ADGRL3: variants seen among roughly 807,000 people sequenced by gnomAD.
ADGRL3 encodes the protein adhesion G protein-coupled receptor L3.
In ADGRL3, 62 loss-of-function variants were observed where a neutral mutation model predicts 153.5. That is an observed-to-expected ratio of 0.40 (90% CI 0.33 to 0.50). The LOEUF (loss-of-function observed/expected upper bound fraction) is 0.50. Among genes scored for constraint, ADGRL3 ranks in the 20% least tolerant of loss-of-function variants. The probability of loss-of-function intolerance (pLI) is 0.47; values close to 1 mark genes in which losing one functional copy is unlikely to be tolerated. For missense variants in ADGRL3, 1,641 were observed against 1,859.4 expected, an observed-to-expected ratio of 0.88 and a Z score of 2.16; for synonymous variants, 710 against 672.5, an observed-to-expected ratio of 1.06 and a Z score of -0.86.
intron 8 of ADGRL3, among the ~76,000 whole-genome samples, chr4:61,768,230 A>G (rs1178111205): frequency 6.6e-6 from 1 of 151,864 alleles, no homozygotes; most frequent in Non-Finnish European, 1.5e-5. Context: ...GGCTAGTCAC[A>G]GAAGGAAACT....
chr4:61,488,630 C>T (rs1236130956), intron 2 of ADGRL3, among the ~76,000 whole-genome samples: 1 of 152,006 alleles, frequency 6.6e-6, no homozygotes, highest in Non-Finnish European at 1.5e-5. Context: ...CGTGCCCATC[C>T]TATGTTTTTT....
At chr4:61,906,468 G>A (rs2098696208) in intron 11 of ADGRL3, 1 of 152,006 alleles carries the variant, frequency 6.6e-6, no homozygotes, top group South Asian at 2.1e-4. Context: ...GTTTTATATA[G>A]TCATAATCCA....
intron 1 of ADGRL3, among the ~76,000 whole-genome samples, chr4:61,222,161 C>T (rs1203969879): frequency 6.6e-6 from 1 of 152,022 alleles, no homozygotes; most frequent in Non-Finnish European, 1.5e-5. Flanking sequence ...TGTTAAGATA[C>T]TCTTGGGTAG....
chr4:61,821,098 T>C (rs1033592152), intron 9 of ADGRL3, among the ~76,000 whole-genome samples: 2 of 150,358 alleles, frequency 1.3e-5, no homozygotes, highest in African/African-American at 4.9e-5. Context: ...TACAGTTTGG[T>C]GACAGCCTTA....
In ADGRL3 at chr4:61,517,318, G is replaced by A. The variant is rs1183187117; in HGVS notation, c.59G>A (p.Gly20Asp). ...MMLLAPIIHG[G>D]KHSERHPALA... ...GTGCGCCCTGCGGTCCCCGCAGGTGGCAAGCACAGTGAACGACATCCTGCC... is the reference window on the plus strand; with the variant it reads ...GTGCGCCCTGCGGTCCCCGCAGGTGACAAGCACAGTGAACGACATCCTGCC... Residue 20 changes from glycine (G) to aspartate (D), a missense_variant, in exon 4 of 27, where the codon GGC (glycine) becomes GAC (aspartate). Coordinates refer to ENST00000683033, the MANE Select transcript of ADGRL3 (RefSeq NM_001387552.1). 2 of 702,732 alleles carry A rather than the reference G, an allele frequency of 2.8e-6. No homozygotes were observed. Among genetic ancestry groups the A allele is most frequent in the Non-Finnish European group, 5.2e-6 (2 of 385,282 alleles). The allele number at this position is 702,732 out of a possible 1,614,324, so 43.5% of individuals were successfully genotyped here.
rs140206656 is a variant in ADGRL3, at chr4:61,669,446, A to G, written c.474-7380A>G. 9.3e-3 allele frequency among the ~76,000 whole-genome samples: 1,423 copies of G among 152,276 alleles called. 10 individuals are homozygous for G. The highest frequency in any genetic ancestry group is 0.02 in the Middle Eastern group (6 of 294). On this transcript the variant is annotated intron_variant, in intron 5 of 26. Coordinates refer to ENST00000683033, the MANE Select transcript of ADGRL3 (RefSeq NM_001387552.1). ...ATACTACTGATATATGCATCTATTT[A>G]TGTTTTCTTCTATTGCTGCATTCCA...
chr4:61,473,524 G>C (rs1353174691), intron 2 of ADGRL3, among the ~76,000 whole-genome samples: 3 of 151,892 alleles, frequency 2.0e-5, no homozygotes, highest in Non-Finnish European at 2.9e-5. Context: ...ACATGTGTTT[G>C]GACAAGTTTC....
At chr4:61,313,890 C>T (rs2095106625) in intron 1 of ADGRL3, among the ~76,000 whole-genome samples, 1 of 152,096 alleles carries the variant, frequency 6.6e-6, no homozygotes, top group Non-Finnish European at 1.5e-5. Flanking sequence ...TCGCAGGGAG[C>T]ACTCACAACG....
intron 4 of ADGRL3, among the ~76,000 whole-genome samples, chr4:61,532,299 A>C (rs931549818): frequency 2.0e-5 from 3 of 152,074 alleles, no homozygotes; most frequent in Non-Finnish European, 2.9e-5. Flanking sequence ...GTGGGAAAAA[A>C]CTTTATCAGC....
At chr4:61,621,630 A>G (rs545813003) in intron 5 of ADGRL3, among the ~76,000 whole-genome samples, 7 of 152,126 alleles carry the variant, frequency 4.6e-5, no homozygotes, top group African/African-American at 1.7e-4. Context: ...ATCTTTGTAA[A>G]TAACTGTTCT....
chr4:61,610,138 GATAT>G (rs34171023), intron 5 of ADGRL3, among the ~76,000 whole-genome samples: 1 of 146,854 alleles, frequency 6.8e-6, no homozygotes, highest in Non-Finnish European at 1.5e-5. Context: ...AGGGAAGTGA[GATAT>G]ATATATATAT....
chr4:61,326,734 G>T (rs1485191374), intron 1 of ADGRL3, among the ~76,000 whole-genome samples: 1 of 151,582 alleles, frequency 6.6e-6, no homozygotes, highest in Non-Finnish European at 1.5e-5. Context: ...CTTTTGGGGA[G>T]CTATTGCTCA....
chr4:61,782,333 G>A (rs576622941), intron 8 of ADGRL3, among the ~76,000 whole-genome samples: 71 of 152,222 alleles, frequency 4.7e-4, no homozygotes, highest in African/African-American at 1.6e-3. Flanking sequence ...ATCATTGTTT[G>A]TATTACATGA....
chr4:61,570,854 T>C (rs973708980), intron 4 of ADGRL3, among the ~76,000 whole-genome samples: 25 of 152,180 alleles, frequency 1.6e-4, no homozygotes, highest in Admixed American at 1.6e-3. Flanking sequence ...TCTGTAGCTA[T>C]ATTACAAAGT....
rs186422018 is a variant in ADGRL3 at position 61,272,162 on chromosome 4, A to G, written c.-240+70397A>G. Among the ~76,000 whole-genome samples the G allele has an allele frequency of 6.2e-3, 947 of 152,158 alleles. 9 individuals are homozygous for G. Among genetic ancestry groups the G allele is most frequent in the Non-Finnish European group, 8.2e-3 (555 of 67,968 alleles). On this transcript the variant is annotated intron_variant, in intron 1 of 26. Transcript: ENST00000683033. Reference sequence around the variant, plus strand: ...AGACACTAAAACATTTTACTTTATCATGCAGATGATTTCTTATGCAAAAGC... The same window carrying G: ...AGACACTAAAACATTTTACTTTATCGTGCAGATGATTTCTTATGCAAAAGC...
intron 4 of ADGRL3, among the ~76,000 whole-genome samples, chr4:61,538,694 G>T (rs1320132902): frequency 6.6e-6 from 1 of 152,064 alleles, no homozygotes; most frequent in African/African-American, 2.4e-5. Context: ...CACCCATCTT[G>T]ACCTCCCAAA....
intron 21 of ADGRL3, among the ~76,000 whole-genome samples, chr4:62,011,336 A>G (rs2099185653): frequency 6.6e-6 from 1 of 152,184 alleles, no homozygotes; most frequent in Non-Finnish European, 1.5e-5. Context: ...AGAAGTGGAT[A>G]TATGTGGAGA....
intron 9 of ADGRL3, among the ~76,000 whole-genome samples, chr4:61,860,737 C>A (rs1179494808): frequency 6.6e-6 from 1 of 152,140 alleles, no homozygotes; most frequent in Non-Finnish European, 1.5e-5. Context: ...ATGAGAGTGC[C>A]TGTCATATGG....
chr4:61,526,679 A>G (rs2152938660), intron 4 of ADGRL3, among the ~76,000 whole-genome samples: 1 of 152,172 alleles, frequency 6.6e-6, no homozygotes, highest in Admixed American at 6.5e-5. Context: ...AAGAGTCTGC[A>G]TTTGAGCCCA....
Sources: gnomAD v4.1 joint callset for allele counts (sites outside exome capture counted in the v4.1 genomes callset) on GRCh38, gnomAD v4.1.1 for gene constraint, MANE v1.5 for transcripts, NCBI Gene and HGNC (gene_info 2026-07-23, HGNC 2026-07-21) for gene names.